Variants in TTLL5 observed in about 807,000 individuals in gnomAD.
The protein encoded by TTLL5 is tubulin polyglutamylase TTLL5.
In TTLL5, 132 loss-of-function variants were observed where a neutral mutation model predicts 168.4. The ratio of observed to expected loss-of-function variants is 0.78; its 90% confidence interval spans 0.68 to 0.91. The LOEUF (loss-of-function observed/expected upper bound fraction) is 0.91. Ranked by LOEUF, TTLL5 falls within the 40% of genes least tolerant of loss-of-function variation. The pLI is 0.00. For missense variants in TTLL5, 1,545 were observed against 1,581.5 expected (o/e 0.98, Z 0.39); for synonymous variants, 546 against 558.6 (o/e 0.98, Z 0.32).
At chr14:75,829,025 A>G (rs1317400865) in intron 28 of TTLL5, among the ~76,000 whole-genome samples, 1 of 152,230 alleles carries the variant, frequency 6.6e-6, no homozygotes, top group African/African-American at 2.4e-5. Flanking sequence ...ATTACTGATC[A>G]TAAAATTTAC....
chr14:75,892,327 A>G (rs538796414), intron 30 of TTLL5, among the ~76,000 whole-genome samples: 4 of 152,234 alleles, frequency 2.6e-5, no homozygotes, highest in South Asian at 2.1e-4. Flanking sequence ...GCCCCAAAAT[A>G]TACCAAAATA....
chr14:75,876,373 G>T (rs1310764554), intron 29 of TTLL5, among the ~76,000 whole-genome samples: 3 of 152,186 alleles, frequency 2.0e-5, no homozygotes, highest in African/African-American at 7.2e-5. Flanking sequence ...ATCTCAATTG[G>T]TTAGTGAACA....
At chr14:75,703,810 T>G (rs2140164832) in intron 7 of TTLL5, among the ~76,000 whole-genome samples, 1 of 152,340 alleles carries the variant, frequency 6.6e-6, no homozygotes, top group East Asian at 1.9e-4. Context: ...TTTTTCTCAT[T>G]GCTCAACAAG....
At chr14:75,720,564 T>C (rs754870745) in intron 11 of TTLL5, 32 bp from the exon 12 acceptor site, 2 of 1,439,086 alleles carry the variant, frequency 1.4e-6, no homozygotes, top group African/African-American at 2.8e-5. Flanking sequence ...ATTTTGATAT[T>C]GAGTCTGAAA....
In TTLL5 at chr14:75,692,364, G is replaced by A. The variant is rs190070389; in HGVS notation, c.502+2042G>A. Among the ~76,000 whole-genome samples the A allele has an allele frequency of 7.2e-4, 110 of 151,974 alleles. 2 individuals carry two copies. Among genetic ancestry groups the A allele is most frequent in the Admixed American group, 2.9e-3 (45 of 15,262 alleles). On this transcript the variant is annotated intron_variant, in intron 6 of 31. Transcript: ENST00000298832. ...TACTATGTTTTACTATTTTATTTTTGTATGTTTTGTTTAACTACTAACTAA... is the reference window on the plus strand; with the variant it reads ...TACTATGTTTTACTATTTTATTTTTATATGTTTTGTTTAACTACTAACTAA...
intron 18 of TTLL5, among the ~76,000 whole-genome samples, chr14:75,755,468 A>T (rs1267339984): frequency 6.6e-6 from 1 of 151,736 alleles, no homozygotes; most frequent in Non-Finnish European, 1.5e-5. Flanking sequence ...TCCATCCCTA[A>T]ATTCTTCTAG....
At chr14:75,861,206 A>G (rs2029956261) in intron 28 of TTLL5, among the ~76,000 whole-genome samples, 1 of 152,064 alleles carries the variant, frequency 6.6e-6, no homozygotes, top group Non-Finnish European at 1.5e-5. Flanking sequence ...AAACTGTGGG[A>G]GGAGATGAGT....
chr14:75,875,774 T>C (rs558164215), intron 29 of TTLL5, among the ~76,000 whole-genome samples: 1 of 152,324 alleles, frequency 6.6e-6, no homozygotes, highest in South Asian at 2.1e-4. Context: ...ACATCAGGTG[T>C]CATGTGATTC....
chr14:75,669,803 C>T lies in TTLL5; in HGVS notation c.181+281C>T, dbSNP rs532926980. ...TTTAACCATTTTAGAGTGTACAAGT[C>T]GTTGTTGTTTAGTACATTCACAATG... On this transcript the variant is annotated intron_variant, in intron 3 of 31. Transcript: ENST00000298832. 2.8e-4 allele frequency among the ~76,000 whole-genome samples: 42 copies of T among 151,708 alleles called. No homozygotes were observed. The South Asian group carries it at 7.1e-3, about 26-fold the overall frequency.
chr14:75,746,422 C>T (rs1234509751), intron 17 of TTLL5, among the ~76,000 whole-genome samples: 4 of 152,220 alleles, frequency 2.6e-5, no homozygotes, highest in South Asian at 2.1e-4. Context: ...AATGTCTTTT[C>T]GTCATTTTCA....
chr14:75,878,571 C>A (rs917586008), intron 29 of TTLL5, among the ~76,000 whole-genome samples: 1 of 152,112 alleles, frequency 6.6e-6, no homozygotes, highest in African/African-American at 2.4e-5. Context: ...TGTGTTATCC[C>A]TAGGTAAAAG....
intron 18 of TTLL5, among the ~76,000 whole-genome samples, chr14:75,755,840 C>G (rs946709898): frequency 1.1e-4 from 17 of 152,114 alleles, no homozygotes; most frequent in Non-Finnish European, 2.1e-4. Flanking sequence ...CTACTCATTT[C>G]TTTTAGGTTA....
chr14:75,888,250 C>T (rs1045569320), intron 30 of TTLL5, among the ~76,000 whole-genome samples: 17 of 152,112 alleles, frequency 1.1e-4, no homozygotes, highest in Admixed American at 8.5e-4. Flanking sequence ...TCAAAAGTTG[C>T]GTGATGGTGT....
At chr14:75,706,685 C>T (rs1335298567) in intron 7 of TTLL5, among the ~76,000 whole-genome samples, 1 of 151,954 alleles carries the variant, frequency 6.6e-6, no homozygotes, top group African/African-American at 2.4e-5. Context: ...TTTAAAGTGG[C>T]TCTTATTTTC....
rs190458042 is a variant in TTLL5, at chr14:75,769,206, G to A, written c.2016-2528G>A. Among the ~76,000 whole-genome samples, 261 of 152,280 alleles carry A rather than the reference G, an allele frequency of 1.7e-3. 5 individuals carry two copies. The highest frequency in any genetic ancestry group is 5.8e-3 in the African/African-American group (240 of 41,556). On this transcript the variant is annotated intron_variant, in intron 20 of 31. Transcript: ENST00000298832. ...ACTGTTAAAATTGCAGGCTGCGTTA[G>A]TGTCAATCAGTGGTTTTCAGACTGT...
chr14:75,765,643 G>T (rs753764739), intron 19 of TTLL5, among the ~76,000 whole-genome samples: 4 of 151,980 alleles, frequency 2.6e-5, no homozygotes, highest in Non-Finnish European at 4.4e-5. Flanking sequence ...TGGGCGAATC[G>T]CTTGAGCCCA....
intron 30 of TTLL5, among the ~76,000 whole-genome samples, chr14:75,885,678 A>G (rs2032078379): frequency 6.6e-6 from 1 of 152,230 alleles, no homozygotes; most frequent in African/African-American, 2.4e-5. Context: ...TCTCGAAATC[A>G]GGATCCTGAG....
intron 28 of TTLL5, among the ~76,000 whole-genome samples, chr14:75,836,369 A>G (rs2139826117): frequency 6.6e-6 from 1 of 151,334 alleles, no homozygotes; most frequent in East Asian, 1.9e-4. Flanking sequence ...GATAAAGAGT[A>G]GAATGCTGGT....
intron 28 of TTLL5, among the ~76,000 whole-genome samples, chr14:75,830,250 T>C (rs569978657): frequency 4.4e-4 from 67 of 152,314 alleles, no homozygotes; most frequent in African/African-American, 1.6e-3. Flanking sequence ...AAACAAAAAT[T>C]GTGGCCTGAT....
Sources: allele counts gnomAD v4.1 joint callset (sites outside exome capture counted in the v4.1 genomes callset), GRCh38; gene constraint gnomAD v4.1.1; transcripts MANE v1.5; gene names NCBI Gene and HGNC (gene_info 2026-07-23, HGNC 2026-07-21).